The following MICAL3 variants were observed in gnomAD, a reference collection of about 807,000 sequenced individuals.
MICAL3 encodes the protein [F-actin]-monooxygenase MICAL3.
In MICAL3, 62 loss-of-function variants were observed where a neutral mutation model predicts 207.4. The ratio of observed to expected loss-of-function variants is 0.30; its 90% CI spans 0.24 to 0.37. The LOEUF is 0.37. Among genes scored for constraint, MICAL3 ranks in the 10% least tolerant of loss-of-function variants. The pLI is 1.00. For synonymous variants in MICAL3, 1,077 were observed against 1,069.3 expected, an observed-to-expected ratio of 1.01 and a Z score of -0.14; for missense variants, 2,368 against 2,635.6, an observed-to-expected ratio of 0.90 and a Z score of 2.22.
chr22:17,935,756 G>C (rs1346666274), intron 1 of MICAL3, among the ~76,000 whole-genome samples: 1 of 152,140 alleles, frequency 6.6e-6, no homozygotes, highest in Admixed American at 6.5e-5. Flanking sequence ...TCATCAAAAA[G>C]TGGGCAAAGA....
chr22:17,873,401 A>C (rs1927930660), intron 16 of MICAL3, among the ~76,000 whole-genome samples: 1 of 152,224 alleles, frequency 6.6e-6, no homozygotes, highest in Non-Finnish European at 1.5e-5. Context: ...GCTTGACCCC[A>C]CAATGCCTGC....
chr22:17,998,564 T>TTA (rs373408299), intron 1 of MICAL3, among the ~76,000 whole-genome samples: 977 of 83,828 alleles, frequency 0.012, 11 homozygotes, highest in African/African-American at 0.034. Context: ...ATTATTATTA[T>TTA]TTTTTTTTTG....
intron 21 of MICAL3, among the ~76,000 whole-genome samples, chr22:17,830,477 G>A (rs183701292): frequency 4.7e-4 from 71 of 152,346 alleles, no homozygotes; most frequent in Non-Finnish European, 8.8e-4. Flanking sequence ...GCTTCGACCC[G>A]AAGCTGTGCC....
Position 18,019,806 on chromosome 22 carries a change from A to ATTTT in MICAL3, c.-75+4471_-75+4474dup, listed in dbSNP as rs34107345. ...ACTAGAGAAAATGAGAATGCTGCTG[A>ATTTT]TTTTTTTTTTTTTTTTTTTTTTTTT... On this transcript the variant is annotated intron_variant, in intron 1 of 31. Transcript: ENST00000441493. The ATTTT allele has an allele frequency of 4.3e-3, 336 of 77,888 alleles. 38 individuals carry two copies. Among genetic ancestry groups the ATTTT allele is most frequent in the African/African-American group, 0.013 (210 of 16,744 alleles). 4.8% of individuals were successfully genotyped at this position (77,888 alleles called of 1,614,324 possible). A position where few individuals can be genotyped will look rare whatever the true frequency, so the allele number is the denominator to read the frequency against.
chr22:17,887,124 G>T, intron 15 of MICAL3, 46 bp downstream of exon 15: 2 of 1,457,466 alleles, frequency 1.4e-6, no homozygotes, highest in Non-Finnish European at 1.9e-6. Context: ...AACCAAAAGG[G>T]GCTATTCCAC....
At chr22:17,899,638 G>C in intron 6 of MICAL3, 90 bp from the exon 7 acceptor site, 1 of 795,836 alleles carries the variant, frequency 1.3e-6, no homozygotes, top group South Asian at 1.5e-5. Flanking sequence ...GGCCTACAGA[G>C]ACAAGGGCCT....
At chr22:17,989,428 A>G (rs1921413165) in intron 1 of MICAL3, among the ~76,000 whole-genome samples, 1 of 152,094 alleles carries the variant, frequency 6.6e-6, no homozygotes, top group Middle Eastern at 3.2e-3. Flanking sequence ...AAGATCCCAG[A>G]GGGCAAGGAA....
At chr22:17,874,309 G>A (rs574823470) in intron 16 of MICAL3, among the ~76,000 whole-genome samples, 1 of 152,278 alleles carries the variant, frequency 6.6e-6, no homozygotes, top group South Asian at 2.1e-4. Context: ...TGAGGCTTGG[G>A]ACAGACAGAC....
Position 18,009,884 on chromosome 22 carries a change from TA to T in MICAL3, c.-75+14396del, listed in dbSNP as rs1236318506. On this transcript the variant is annotated intron_variant, in intron 1 of 31. Transcript: ENST00000441493. ...ACCCTGTCTTTAAAAAAACTAATAA[TA>T]AAAAAAAAAAACACTGGCTTCAAAA... Among the ~76,000 whole-genome samples, 79 of 72,764 alleles carry T rather than the reference TA, an allele frequency of 1.1e-3. 11 individuals carry two copies. The highest frequency in any genetic ancestry group is 3.5e-3 in the East Asian group (13 of 3,664). The allele number at this position is 72,764 out of a possible 152,430, so 47.7% of individuals were successfully genotyped here.
At chr22:17,871,639 G>A (rs1198110165) in intron 17 of MICAL3, among the ~76,000 whole-genome samples, 198 bp downstream of exon 17, 2 of 152,220 alleles carry the variant, frequency 1.3e-5, no homozygotes, top group Non-Finnish European at 2.9e-5. Context: ...CATCAGCCTG[G>A]TGACGCTGGG....
intron 1 of MICAL3, among the ~76,000 whole-genome samples, chr22:17,922,130 C>T (rs1005271426): frequency 2.8e-5 from 4 of 142,328 alleles, no homozygotes; most frequent in African/African-American, 1.0e-4. Context: ...TCACCTTTTC[C>T]CCTGTGTTCC....
rs116203636 is a variant in MICAL3 at position 18,011,122 on chromosome 22, G to A, written c.-75+13159C>T. On this transcript the variant is annotated intron_variant, in intron 1 of 31. Coordinates refer to ENST00000441493, the MANE Select transcript of MICAL3 (RefSeq NM_015241.3). ...ATGTGAGCACCAGCAATTGCAGCTC[G>A]GCCTCCAGGGACTGTATCACACCAC... Among the ~76,000 whole-genome samples the A allele has an allele frequency of 8.9e-3, 1,354 of 152,210 alleles. 15 individuals are homozygous for A. Among genetic ancestry groups the A allele is most frequent in the African/African-American group, 0.03 (1,260 of 41,536 alleles).
intron 17 of MICAL3, among the ~76,000 whole-genome samples, chr22:17,870,435 C>T (rs1253073041): frequency 6.6e-6 from 1 of 152,204 alleles, no homozygotes; most frequent in Non-Finnish European, 1.5e-5. Flanking sequence ...TGGGTCTCAT[C>T]CCCATAGGAC....
intron 16 of MICAL3, among the ~76,000 whole-genome samples, chr22:17,875,918 C>T (rs1268074733): frequency 2.6e-5 from 4 of 152,148 alleles, no homozygotes; most frequent in Admixed American, 2.6e-4. Context: ...TGCCAAGCAA[C>T]CCCCGGCCTG....
At chr22:17,798,282 C>G (rs1408237985) in intron 29 of MICAL3, among the ~76,000 whole-genome samples, 2 of 152,212 alleles carry the variant, frequency 1.3e-5, no homozygotes, top group Non-Finnish European at 2.9e-5. Context: ...GCCCCACACC[C>G]TCCCTTCTGA....
At chr22:18,013,841 C>T (rs1923894029) in intron 1 of MICAL3, among the ~76,000 whole-genome samples, 1 of 152,068 alleles carries the variant, frequency 6.6e-6, no homozygotes. Flanking sequence ...TGCTATGTTG[C>T]CCAGGCTGGC....
intron 29 of MICAL3, chr22:17,791,503 T>C (rs1454379960): frequency 3.4e-6 from 2 of 596,502 alleles, no homozygotes; most frequent in Non-Finnish European, 6.0e-6. Context: ...TGTCCTGCCA[T>C]CCCTGTTCAC....
rs1313049904 is a variant in MICAL3, at chr22:17,892,204, C to T, written c.1547-572G>A. Among the ~76,000 whole-genome samples, 6 of 152,160 alleles carry T rather than the reference C, an allele frequency of 3.9e-5. No homozygotes were observed. The East Asian group carries it at 7.7e-4, about 20-fold the overall frequency. On this transcript the variant is annotated intron_variant, in intron 11 of 31. Coordinates refer to ENST00000441493, the MANE Select transcript of MICAL3 (RefSeq NM_015241.3). Reference sequence around the variant, plus strand: ...CTGGGGCCCCAGACCAGACAGTCCCCGAACAGAGCTTGGCACCTTGTACTA... The same window carrying T: ...CTGGGGCCCCAGACCAGACAGTCCCTGAACAGAGCTTGGCACCTTGTACTA...
chr22:17,986,012 A>G (rs1226267479), intron 1 of MICAL3, among the ~76,000 whole-genome samples: 1 of 152,080 alleles, frequency 6.6e-6, no homozygotes, highest in East Asian at 1.9e-4. Flanking sequence ...GGTTCAAGCA[A>G]TTCTCTACCT....
Sources: allele counts gnomAD v4.1 joint callset (sites outside exome capture counted in the v4.1 genomes callset), GRCh38; gene constraint gnomAD v4.1.1; transcripts MANE v1.5; gene names NCBI Gene and HGNC (gene_info 2026-07-23, HGNC 2026-07-21).